The following CFTR variants were observed in gnomAD, a reference collection of about 807,000 sequenced individuals.
The protein encoded by CFTR is cystic fibrosis transmembrane conductance regulator.
A neutral mutation model predicts 171.6 loss-of-function variants in CFTR; 181 were observed. The ratio of observed to expected loss-of-function variants is 1.05; its 90% confidence interval spans 0.93 to 1.19. The LOEUF (loss-of-function observed/expected upper bound fraction) is 1.19. Among genes scored for constraint, CFTR ranks in the 50% most tolerant of loss-of-function variants. The probability of loss-of-function intolerance (pLI) is 0.00; values close to 1 mark genes in which losing one functional copy is unlikely to be tolerated. For synonymous variants in CFTR, 583 were observed against 608.0 expected (o/e 0.96, Z 0.60); for missense variants, 1,968 against 1,734.7 (o/e 1.13, Z -2.39).
intron 4 of CFTR, among the ~76,000 whole-genome samples, chr7:117,531,600 A>G (rs890866970): frequency 6.6e-6 from 1 of 152,158 alleles, no homozygotes; most frequent in Non-Finnish European, 1.5e-5. Flanking sequence ...TTATCATCCT[A>G]TGAGCCCTAC....
chr7:117,589,154 T>G (rs1475339722), intron 12 of CFTR, among the ~76,000 whole-genome samples: 1 of 152,056 alleles, frequency 6.6e-6, no homozygotes, highest in East Asian at 1.9e-4. Flanking sequence ...TGTCCAGTTT[T>G]GGATGATGAA....
intron 22 of CFTR, among the ~76,000 whole-genome samples, chr7:117,635,237 T>C (rs1431710499): frequency 6.6e-6 from 1 of 152,142 alleles, no homozygotes; most frequent in Non-Finnish European, 1.5e-5. Context: ...GTCTGTTCTC[T>C]CTGAAAGAAA....
intron 11 of CFTR, among the ~76,000 whole-genome samples, chr7:117,584,069 T>C (rs1791893229): frequency 6.6e-6 from 1 of 152,174 alleles, no homozygotes; most frequent in East Asian, 1.9e-4. Context: ...TCCTGGATAC[T>C]AGTCCTTTAT....
chr7:117,548,309 T>C (rs1799195941), intron 9 of CFTR, among the ~76,000 whole-genome samples: 1 of 150,340 alleles, frequency 6.7e-6, no homozygotes, highest in Admixed American at 6.6e-5. Flanking sequence ...ATAGTGTTTA[T>C]GTACCCCGCT....
chr7:117,623,479 A>G (rs1017158373), intron 21 of CFTR, among the ~76,000 whole-genome samples: 1 of 152,248 alleles, frequency 6.6e-6, no homozygotes, highest in African/African-American at 2.4e-5. Context: ...ACAATGGCAC[A>G]GTAGTTTTTA....
intron 11 of CFTR, among the ~76,000 whole-genome samples, chr7:117,580,197 A>G (rs1791829845): frequency 6.6e-6 from 1 of 152,102 alleles, no homozygotes; most frequent in African/African-American, 2.4e-5. Flanking sequence ...GCAGCAAAAA[A>G]GGTTTTTAAC....
chr7:117,659,332 C>T (rs1793229144), intron 24 of CFTR, among the ~76,000 whole-genome samples: 1 of 152,178 alleles, frequency 6.6e-6, no homozygotes. Flanking sequence ...TCCATGTCCC[C>T]CACTGGAGTG....
At chr7:117,573,704 T>C (rs888916700) in intron 11 of CFTR, among the ~76,000 whole-genome samples, 2 of 152,142 alleles carry the variant, frequency 1.3e-5, no homozygotes, top group African/African-American at 4.8e-5. Context: ...AAAATTGAAA[T>C]GGCAGTGGAG....
chr7:117,485,576 G>T (rs1181266203), intron 1 of CFTR, among the ~76,000 whole-genome samples: 1 of 152,178 alleles, frequency 6.6e-6, no homozygotes, highest in Non-Finnish European at 1.5e-5. Context: ...CGGCTTTACT[G>T]TAGGGCATTG....
chr7:117,610,856 T>C (rs1792375336), intron 19 of CFTR, among the ~76,000 whole-genome samples, 187 bp downstream of exon 19: 1 of 152,232 alleles, frequency 6.6e-6, no homozygotes, highest in African/African-American at 2.4e-5. Flanking sequence ...GGATTTTTTT[T>C]CTTAATTAAT....
intron 11 of CFTR, among the ~76,000 whole-genome samples, chr7:117,563,734 C>A (rs1400156616): frequency 6.6e-6 from 1 of 152,116 alleles, no homozygotes; most frequent in Admixed American, 6.5e-5. Context: ...TAATTGTTGA[C>A]AATAAGTTCC....
At chr7:117,598,460 T>C (rs970978242) in intron 15 of CFTR, among the ~76,000 whole-genome samples, 5 of 152,192 alleles carry the variant, frequency 3.3e-5, no homozygotes, top group Admixed American at 2.0e-4. Flanking sequence ...CTAACCTCAA[T>C]TAAGAAGGCT....
At position 117,506,695 on chromosome 7, in the gene CFTR, T is replaced by C. The variant is rs575549633; in HGVS notation, c.164+2332T>C. Among the ~76,000 whole-genome samples, 14 of 152,300 alleles carry C rather than the reference T, an allele frequency of 9.2e-5. No homozygotes were observed. In the East Asian group the frequency reaches 2.7e-3, roughly 29 times the overall value. On this transcript the variant is annotated intron_variant, in intron 2 of 26. Transcript: ENST00000003084. ...ATTATCTGGCTTAACATTTTTTTCT[T>C]TCCAGTTTTCACTGTATCCCCCATG...
intron 6 of CFTR, 27 bp downstream of exon 6, chr7:117,535,438 A>G: frequency 6.2e-7 from 1 of 1,611,204 alleles, no homozygotes; most frequent in Non-Finnish European, 8.5e-7. Flanking sequence ...ATAACTTGAA[A>G]GTTTTAAAAA....
At chr7:117,580,346 G>A (rs967636219) in intron 11 of CFTR, among the ~76,000 whole-genome samples, 1 of 152,004 alleles carries the variant, frequency 6.6e-6, no homozygotes, top group African/African-American at 2.4e-5. Flanking sequence ...TGGCAAATTA[G>A]CAAAAATTGA....
chr7:117,517,843 T>G (rs542154555), intron 3 of CFTR, among the ~76,000 whole-genome samples: 1 of 152,324 alleles, frequency 6.6e-6, no homozygotes, highest in African/African-American at 2.4e-5. Context: ...GTTGGCTGCA[T>G]AAATGTCTTC....
At chr7:117,570,579 G>A (rs548647225) in intron 11 of CFTR, among the ~76,000 whole-genome samples, 5 of 152,288 alleles carry the variant, frequency 3.3e-5, no homozygotes, top group Non-Finnish European at 7.4e-5. Flanking sequence ...ATGTTTAAGA[G>A]ACTTGTTTAA....
chr7:117,539,519 C>A (rs1204814934), intron 7 of CFTR, among the ~76,000 whole-genome samples: 2 of 151,724 alleles, frequency 1.3e-5, no homozygotes, highest in African/African-American at 4.8e-5. Context: ...ATTTAAAAAG[C>A]ATCTCAGGTG....
chr7:117,625,378 G>A (rs1346832560), intron 21 of CFTR, among the ~76,000 whole-genome samples: 1 of 152,186 alleles, frequency 6.6e-6, no homozygotes, highest in Non-Finnish European at 1.5e-5. Flanking sequence ...CACTAATGGA[G>A]AATGTAATTT....
Sources: gnomAD v4.1 joint callset for allele counts (sites outside exome capture counted in the v4.1 genomes callset) on GRCh38, gnomAD v4.1.1 for gene constraint, MANE v1.5 for transcripts, NCBI Gene and HGNC (gene_info 2026-07-23, HGNC 2026-07-21) for gene names.